Variants in PACRG observed in about 807,000 individuals in gnomAD.
PACRG encodes parkin coregulated gene protein.
Under a neutral mutation model 29.7 loss-of-function variants are expected in PACRG, and 29 were observed. The ratio of observed to expected loss-of-function variants is 0.98; its 90% CI spans 0.73 to 1.33. The LOEUF is 1.33. PACRG is among the 40% of genes most tolerant of loss of function. PACRG has a pLI of 0.00. For missense variants in PACRG, 279 were observed against 316.2 expected (o/e 0.88, Z 0.89); for synonymous variants, 116 against 118.7 (o/e 0.98, Z 0.15).
intron 4 of PACRG, among the ~76,000 whole-genome samples, chr6:163,186,913 A>G (rs1262122509): frequency 6.6e-6 from 1 of 152,186 alleles, no homozygotes; most frequent in Non-Finnish European, 1.5e-5. Flanking sequence ...GTTTGGGGGC[A>G]TCCACTCCTG....
At chr6:163,081,776 G>A (rs975741158) in intron 3 of PACRG, among the ~76,000 whole-genome samples, 11 of 151,990 alleles carry the variant, frequency 7.2e-5, no homozygotes, top group African/African-American at 2.7e-4. Context: ...GTGGGGGGGA[G>A]TAAATGCCAT....
intron 4 of PACRG, among the ~76,000 whole-genome samples, chr6:163,128,691 A>T (rs558607791): frequency 1.1e-3 from 166 of 152,360 alleles, no homozygotes; most frequent in African/African-American, 3.9e-3. Context: ...CATGGACAAG[A>T]TCTCAGACTG....
intron 4 of PACRG, among the ~76,000 whole-genome samples, chr6:163,193,890 C>CTTTTT (rs746859009): frequency 9.0e-6 from 1 of 111,472 alleles, no homozygotes; most frequent in African/African-American, 3.0e-5. Flanking sequence ...CTTTTTGTTT[C>CTTTTT]TTTTTTTTTT....
chr6:162,962,959 T>C (rs979232816), intron 2 of PACRG, among the ~76,000 whole-genome samples: 1 of 152,170 alleles, frequency 6.6e-6, no homozygotes, highest in African/African-American at 2.4e-5. Context: ...TAGGGGACTT[T>C]GATTAGAAGA....
intron 4 of PACRG, chr6:163,090,305 A>G (rs1010926003): frequency 5.9e-5 from 9 of 152,224 alleles, no homozygotes; most frequent in Admixed American, 6.5e-5. Flanking sequence ...TAGACTATTC[A>G]GGAAATCATG....
At chr6:162,825,408 T>C (rs973579404) in intron 2 of PACRG, among the ~76,000 whole-genome samples, 1 of 152,200 alleles carries the variant, frequency 6.6e-6, no homozygotes, top group African/African-American at 2.4e-5. Flanking sequence ...TAAATCACCG[T>C]GTTTCATTCA....
intron 4 of PACRG, among the ~76,000 whole-genome samples, chr6:163,134,547 G>A (rs75504034): frequency 0.011 from 1,738 of 152,228 alleles, 27 homozygotes; most frequent in African/African-American, 0.037. Flanking sequence ...CAACACTGAT[G>A]TCTACAGCAG....
At chr6:162,992,794 G>A (rs1803574980) in intron 2 of PACRG, among the ~76,000 whole-genome samples, 1 of 128,446 alleles carries the variant, frequency 7.8e-6, no homozygotes, top group South Asian at 3.0e-4. Context: ...TTTTGAATGT[G>A]TTTGCTCTTG....
At chr6:163,275,623 T>G (rs1467512135) in intron 4 of PACRG, among the ~76,000 whole-genome samples, 1 of 152,272 alleles carries the variant, frequency 6.6e-6, no homozygotes, top group African/African-American at 2.4e-5. Flanking sequence ...TCCTTCGACC[T>G]AGAAGGTAGC....
intron 4 of PACRG, among the ~76,000 whole-genome samples, chr6:163,110,126 A>G (rs1229768049): frequency 2.4e-4 from 37 of 152,316 alleles, no homozygotes. Flanking sequence ...ACAGATTCCA[A>G]CTGAGAAAGG....
At chr6:163,204,567 C>G (rs1304740009) in intron 4 of PACRG, among the ~76,000 whole-genome samples, 1 of 152,124 alleles carries the variant, frequency 6.6e-6, no homozygotes, top group African/African-American at 2.4e-5. Context: ...CATGAAAGAT[C>G]TAGAAACGAG....
intron 2 of PACRG, among the ~76,000 whole-genome samples, chr6:163,017,248 A>G (rs1027757385): frequency 6.6e-6 from 1 of 152,208 alleles, no homozygotes; most frequent in African/African-American, 2.4e-5. Flanking sequence ...AGTGATAAAT[A>G]TAAACGTGGG....
chr6:163,095,139 C>G (rs892800371), intron 4 of PACRG, among the ~76,000 whole-genome samples: 4 of 152,168 alleles, frequency 2.6e-5, no homozygotes, highest in Admixed American at 2.6e-4. Flanking sequence ...CTGATGCCCC[C>G]ACGCGTGGTC....
chr6:163,199,096 C>G (rs1780590768), intron 4 of PACRG, among the ~76,000 whole-genome samples: 1 of 152,138 alleles, frequency 6.6e-6, no homozygotes, highest in African/African-American at 2.4e-5. Context: ...TGGCCCTAAG[C>G]CGTTCCCAGC....
chr6:162,878,675 AT>A (rs1793577652), intron 2 of PACRG, among the ~76,000 whole-genome samples: 1 of 152,220 alleles, frequency 6.6e-6, no homozygotes, highest in Non-Finnish European at 1.5e-5. Context: ...TACTAGGGAA[AT>A]TTGAGATTGT....
chr6:163,099,345 A>G (rs1242800591), intron 4 of PACRG, among the ~76,000 whole-genome samples: 2 of 152,230 alleles, frequency 1.3e-5, no homozygotes, highest in Admixed American at 6.5e-5. Flanking sequence ...AATCTGTATA[A>G]TATGCTTTAA....
intron 4 of PACRG, among the ~76,000 whole-genome samples, chr6:163,149,154 C>A (rs1021009536): frequency 1.3e-5 from 2 of 152,078 alleles, no homozygotes; most frequent in South Asian, 4.1e-4. Context: ...TCCCGCAGAC[C>A]GAACCCTCGC....
At chr6:163,163,566 C>T (rs1008405712) in intron 4 of PACRG, among the ~76,000 whole-genome samples, 1 of 152,182 alleles carries the variant, frequency 6.6e-6, no homozygotes, top group African/African-American at 2.4e-5. Context: ...GCCACCGTAC[C>T]CGGCCTTCAG....
At chr6:163,219,053 T>A (rs1781475360) in intron 4 of PACRG, among the ~76,000 whole-genome samples, 1 of 152,252 alleles carries the variant, frequency 6.6e-6, no homozygotes. Flanking sequence ...TTAAGCCATT[T>A]TATACACAGA....
Sources: gnomAD v4.1 joint callset for allele counts (sites outside exome capture counted in the v4.1 genomes callset) on GRCh38, gnomAD v4.1.1 for gene constraint, MANE v1.5 for transcripts, NCBI Gene and HGNC (gene_info 2026-07-23, HGNC 2026-07-21) for gene names.